Variants in OSBPL6 observed in about 807,000 individuals in gnomAD.
The protein encoded by OSBPL6 is oxysterol-binding protein-related protein 6.
In OSBPL6, 49 loss-of-function variants were observed where a neutral mutation model predicts 125.8. That is an observed-to-expected ratio of 0.39 (90% CI 0.31 to 0.49). The LOEUF (loss-of-function observed/expected upper bound fraction) is 0.49. Ranked by LOEUF, OSBPL6 falls within the 20% of genes least tolerant of loss-of-function variation. OSBPL6 has a pLI of 0.88. For synonymous variants in OSBPL6, 394 were observed against 391.8 expected (o/e 1.01, Z -0.07); for missense variants, 986 against 1,135.4 (o/e 0.87, Z 1.89).
At chr2:178,297,322 G>A (rs1002444960) in intron 2 of OSBPL6, among the ~76,000 whole-genome samples, 1 of 152,202 alleles carries the variant, frequency 6.6e-6, no homozygotes, top group Non-Finnish European at 1.5e-5. Flanking sequence ...ACTAGGCTGG[G>A]TACAGTGGCT....
At chr2:178,367,370 G>A (rs1294684920) in intron 13 of OSBPL6, among the ~76,000 whole-genome samples, 1 of 152,078 alleles carries the variant, frequency 6.6e-6, no homozygotes. Flanking sequence ...AGCTTTGACA[G>A]TTTCTATGCT....
intron 11 of OSBPL6, among the ~76,000 whole-genome samples, chr2:178,341,785 A>G (rs561259886): frequency 2.0e-5 from 3 of 152,316 alleles, no homozygotes; most frequent in African/African-American, 7.2e-5. Context: ...AGGGGAACAC[A>G]GCAGAGCTTG....
In OSBPL6 at chr2:178,293,565, T is replaced by C. The variant is rs142374133; in HGVS notation, c.-156+8444T>C. ...ATGGGGCACATGAGATGTTTTGATA[T>C]AGGCATGCAATGTGTAATCACATCG... On this transcript the variant is annotated intron_variant, in intron 2 of 24. Coordinates refer to ENST00000190611, the MANE Select transcript of OSBPL6 (RefSeq NM_032523.4). Among the ~76,000 whole-genome samples the C allele has an allele frequency of 2.5e-4, 38 of 152,228 alleles. 1 individual carries two copies. The East Asian group carries it at 6.6e-3, about 26-fold the overall frequency.
intron 1 of OSBPL6, among the ~76,000 whole-genome samples, chr2:178,216,639 T>A (rs955359436): frequency 2.6e-5 from 4 of 152,154 alleles, no homozygotes; most frequent in African/African-American, 9.7e-5. Flanking sequence ...GATGCTAAGT[T>A]TGGTGGATGC....
chr2:178,304,635 G>C (rs1317162623), intron 2 of OSBPL6, among the ~76,000 whole-genome samples: 1 of 152,172 alleles, frequency 6.6e-6, no homozygotes, highest in Non-Finnish European at 1.5e-5. Flanking sequence ...CCACCCTCAT[G>C]ACCTAAACAC....
chr2:178,371,539 A>G (rs989665871), intron 13 of OSBPL6, among the ~76,000 whole-genome samples: 2 of 152,152 alleles, frequency 1.3e-5, no homozygotes, highest in African/African-American at 4.8e-5. Context: ...TTGAGTGAAG[A>G]CACCTTTTTG....
intron 6 of OSBPL6, 45 bp downstream of exon 6, chr2:178,331,650 T>C: frequency 6.3e-7 from 1 of 1,583,328 alleles, no homozygotes; most frequent in East Asian, 2.2e-5. Context: ...TTTCGAATTC[T>C]GCTTGAAGTG....
At chr2:178,271,127 C>T (rs984600576) in intron 1 of OSBPL6, among the ~76,000 whole-genome samples, 4 of 152,082 alleles carry the variant, frequency 2.6e-5, no homozygotes, top group Admixed American at 2.0e-4. Flanking sequence ...TTAAATCAGC[C>T]TATGACATCA....
intron 2 of OSBPL6, among the ~76,000 whole-genome samples, chr2:178,288,596 C>T (rs1326088356): frequency 6.6e-6 from 1 of 150,896 alleles, no homozygotes; most frequent in African/African-American, 2.4e-5. Context: ...AAGGAGTATA[C>T]TGTTCATATC....
intron 3 of OSBPL6, among the ~76,000 whole-genome samples, chr2:178,312,361 G>A (rs993809014): frequency 3.3e-5 from 5 of 151,628 alleles, no homozygotes; most frequent in South Asian, 2.1e-4. Context: ...GTTTCACCAT[G>A]TTGGCCAGGC....
At chr2:178,256,838 A>T (rs2091901493) in intron 1 of OSBPL6, among the ~76,000 whole-genome samples, 1 of 152,218 alleles carries the variant, frequency 6.6e-6, no homozygotes, top group African/African-American at 2.4e-5. Flanking sequence ...GCTACAGCAC[A>T]CCAGGCCAGC....
chr2:178,349,461 T>C (rs1559278587), intron 12 of OSBPL6, 72 bp downstream of exon 12: 4 of 1,511,648 alleles, frequency 2.6e-6, no homozygotes, highest in Non-Finnish European at 3.6e-6. Flanking sequence ...TGTTCTTTTA[T>C]CTTTGTCTTT....
rs1370479754 is a variant in OSBPL6, at chr2:178,395,884, T to C, written c.*325T>C. 2.4e-6 allele frequency: 1 copy of C among 409,566 alleles called. No individual in the cohort carries two copies. The highest frequency in any genetic ancestry group is 1.8e-5 in the South Asian group (1 of 55,022). 25.4% of individuals were successfully genotyped at this position (409,566 alleles called of 1,614,324 possible). On this transcript the variant is annotated 3_prime_UTR_variant, in exon 25 of 25. Coordinates refer to ENST00000190611, the MANE Select transcript of OSBPL6 (RefSeq NM_032523.4). ...CCAGTTTGTAAAGAAAAACAAATGG[T>C]AACTGGTGCTTAAAGCTGATCAAGA...
chr2:178,354,249 A>G (rs1260079390), intron 12 of OSBPL6, among the ~76,000 whole-genome samples: 1 of 152,196 alleles, frequency 6.6e-6, no homozygotes, highest in Non-Finnish European at 1.5e-5. Context: ...TTAACTTTAA[A>G]CGTAAATGGG....
At chr2:178,220,714 G>A (rs1242138602) in intron 1 of OSBPL6, among the ~76,000 whole-genome samples, 1 of 152,200 alleles carries the variant, frequency 6.6e-6, no homozygotes, top group Admixed American at 6.5e-5. Flanking sequence ...AAGCTGAAAT[G>A]TATTTTTCTG....
chr2:178,231,535 A>C (rs2090817198), intron 1 of OSBPL6, among the ~76,000 whole-genome samples: 1 of 152,030 alleles, frequency 6.6e-6, no homozygotes, highest in East Asian at 1.9e-4. Context: ...AACCTTACCA[A>C]GGACTCCTGT....
chr2:178,360,075 ACT>A (rs1362318225), intron 12 of OSBPL6, among the ~76,000 whole-genome samples: 1 of 74,568 alleles, frequency 1.3e-5, no homozygotes, highest in East Asian at 4.2e-4. Flanking sequence ...ACAAAGTGAG[ACT>A]CTGTCTCAAA....
chr2:178,253,502 A>G (rs952317941), intron 1 of OSBPL6, among the ~76,000 whole-genome samples: 1 of 152,336 alleles, frequency 6.6e-6, no homozygotes, highest in Admixed American at 6.5e-5. Context: ...TGCCTTGTTA[A>G]TAATTCAGTG....
At chr2:178,373,780 T>C (rs7595571) in intron 14 of OSBPL6, 110 bp from the exon 15 acceptor site, 1,004,136 of 1,353,158 alleles carry the variant, frequency 0.74, 375,451 homozygotes, top group East Asian at 1. Context: ...TGCTTGTGGC[T>C]GCCACTTTTT....
Sources: gnomAD v4.1 joint callset for allele counts (sites outside exome capture counted in the v4.1 genomes callset) on GRCh38, gnomAD v4.1.1 for gene constraint, MANE v1.5 for transcripts, NCBI Gene and HGNC (gene_info 2026-07-23, HGNC 2026-07-21) for gene names.